VGLL4: variants seen among roughly 807,000 people sequenced by gnomAD.
VGLL4 encodes the protein transcription cofactor vestigial-like protein 4.
Under a neutral mutation model 21.0 loss-of-function variants are expected in VGLL4, and 7 were observed. The observed-to-expected ratio is 0.33, with a 90% confidence interval of 0.19 to 0.63. The LOEUF is 0.63. VGLL4 is among the 20% of genes least tolerant of loss of function. VGLL4 has a pLI of 0.78. For synonymous variants in VGLL4, 222 were observed against 173.2 expected (o/e 1.28, Z -2.21); for missense variants, 394 against 425.7 (o/e 0.93, Z 0.66).
chr3:11,630,897 A>C (rs1399374082), intron 1 of VGLL4, among the ~76,000 whole-genome samples: 1 of 152,152 alleles, frequency 6.6e-6, no homozygotes, highest in African/African-American at 2.4e-5. Flanking sequence ...AAAATGGTTA[A>C]AATAATACGT....
intron 2 of VGLL4, among the ~76,000 whole-genome samples, chr3:11,594,132 G>C (rs928204577): frequency 1.1e-4 from 17 of 152,218 alleles, no homozygotes; most frequent in African/African-American, 3.9e-4. Context: ...CCAGACATTG[G>C]ACTGGTCAAG....
At chr3:11,652,054 T>C (rs1438281851) in intron 2 of VGLL4, among the ~76,000 whole-genome samples, 3 of 152,210 alleles carry the variant, frequency 2.0e-5, no homozygotes, top group Non-Finnish European at 4.4e-5. Context: ...TTAACACAAA[T>C]CTATGGACTT....
intron 2 of VGLL4, among the ~76,000 whole-genome samples, chr3:11,688,431 A>G (rs1197112889): frequency 6.6e-6 from 1 of 152,206 alleles, no homozygotes; most frequent in Non-Finnish European, 1.5e-5. Flanking sequence ...TTTTACCATG[A>G]TTATTGACCA....
chr3:11,686,136 T>A (rs868140474), intron 2 of VGLL4, among the ~76,000 whole-genome samples: 19 of 152,262 alleles, frequency 1.2e-4, no homozygotes, highest in Admixed American at 4.6e-4. Context: ...CCTCAAAAAA[T>A]TTTTAAAAAA....
At chr3:11,625,431 A>C (rs143696892) in intron 1 of VGLL4, among the ~76,000 whole-genome samples, 3,601 of 152,318 alleles carry the variant, frequency 0.024, 67 homozygotes, top group Middle Eastern at 0.058. Context: ...GAAAATGCCA[A>C]ATTTTATCTA....
At chr3:11,632,344 T>C (rs73127162) in intron 1 of VGLL4, among the ~76,000 whole-genome samples, 3,168 of 152,180 alleles carry the variant, frequency 0.021, 100 homozygotes, top group African/African-American at 0.07. Context: ...TAAAATTCAC[T>C]GAATTTAAAA....
intron 2 of VGLL4, among the ~76,000 whole-genome samples, chr3:11,592,923 A>G (rs918144641): frequency 6.6e-6 from 1 of 152,210 alleles, no homozygotes; most frequent in African/African-American, 2.4e-5. Flanking sequence ...AGCCCTGGAA[A>G]AAAGCCCTCC....
chr3:11,682,817 G>C (rs2076395513), intron 2 of VGLL4, among the ~76,000 whole-genome samples: 1 of 152,066 alleles, frequency 6.6e-6, no homozygotes, highest in South Asian at 2.1e-4. Context: ...TGCATAAAAA[G>C]GAAGATTGAA....
intron 2 of VGLL4, among the ~76,000 whole-genome samples, chr3:11,582,902 T>A (rs2125228393): frequency 6.6e-6 from 1 of 152,284 alleles, no homozygotes; most frequent in East Asian, 1.9e-4. Flanking sequence ...TGAGAGGCTT[T>A]TCTCTTAGGA....
At chr3:11,706,768 T>A (rs536756293) in intron 1 of VGLL4, among the ~76,000 whole-genome samples, 1,649 of 151,746 alleles carry the variant, frequency 0.011, 26 homozygotes, top group Non-Finnish European at 0.011. Flanking sequence ...TCATCCTGAG[T>A]CAACAACAGT....
intron 2 of VGLL4, among the ~76,000 whole-genome samples, chr3:11,592,903 G>A (rs928569080): frequency 6.6e-6 from 1 of 152,198 alleles, no homozygotes; most frequent in East Asian, 1.9e-4. Context: ...ACGAGTTGCT[G>A]TTACTAACAA....
intron 2 of VGLL4, among the ~76,000 whole-genome samples, chr3:11,650,744 C>CACACACACACAG (rs1491587847): frequency 0.033 from 4,803 of 146,758 alleles, 206 homozygotes; most frequent in Admixed American, 0.11. Context: ...CACACACACA[C>CACACACACACAG]AGACACACAC....
chr3:11,636,686 A>G (rs2075594146), intron 1 of VGLL4, among the ~76,000 whole-genome samples: 1 of 152,194 alleles, frequency 6.6e-6, no homozygotes, highest in African/African-American at 2.4e-5. Context: ...TATCTCCGGA[A>G]GTGTCCCCCA....
intron 1 of VGLL4, among the ~76,000 whole-genome samples, chr3:11,603,240 T>C (rs1264170317): frequency 2.0e-5 from 3 of 152,102 alleles, no homozygotes; most frequent in Non-Finnish European, 2.9e-5. Context: ...CTTGGCCAAT[T>C]TACTCAGCAA....
At chr3:11,573,205 GAA>G (rs1376236429) in intron 2 of VGLL4, among the ~76,000 whole-genome samples, 3 of 145,550 alleles carry the variant, frequency 2.1e-5, no homozygotes, top group East Asian at 2.0e-4. Flanking sequence ...AGAAAGAAAA[GAA>G]GAGAGAGAGA....
chr3:11,649,368 A>G (rs1434360151), intron 2 of VGLL4, among the ~76,000 whole-genome samples: 1 of 152,230 alleles, frequency 6.6e-6, no homozygotes, highest in Non-Finnish European at 1.5e-5. Flanking sequence ...AAAAGACTGG[A>G]AAGTATTCCA....
At chr3:11,656,734 A>C (rs2075964493) in intron 2 of VGLL4, among the ~76,000 whole-genome samples, 1 of 152,212 alleles carries the variant, frequency 6.6e-6, no homozygotes, top group Non-Finnish European at 1.5e-5. Context: ...TCAAAGCTCC[A>C]TACCATGTGA....
chr3:11,649,537 G>C (rs1270778054), intron 2 of VGLL4, among the ~76,000 whole-genome samples: 1 of 152,064 alleles, frequency 6.6e-6, no homozygotes, highest in South Asian at 2.1e-4. Flanking sequence ...AATATTCCCT[G>C]GTGAGACATA....
chr3:11,658,948 C>T (rs1315389381), intron 2 of VGLL4, among the ~76,000 whole-genome samples: 1 of 152,146 alleles, frequency 6.6e-6, no homozygotes, highest in Non-Finnish European at 1.5e-5. Flanking sequence ...AGGTACCTAA[C>T]ACCACACACA....
Sources: gnomAD v4.1 joint callset for allele counts (sites outside exome capture counted in the v4.1 genomes callset) on GRCh38, gnomAD v4.1.1 for gene constraint, MANE v1.5 for transcripts, NCBI Gene and HGNC (gene_info 2026-07-23, HGNC 2026-07-21) for gene names.